CNTNAP2: variants seen among roughly 807,000 people sequenced by gnomAD.
CNTNAP2 encodes contactin associated protein 2, also known as contactin-associated protein-like 2.
CNTNAP2 carries 98 observed loss-of-function variants against 155.2 expected under a neutral mutation model. The ratio of observed to expected loss-of-function variants is 0.63; its 90% CI spans 0.54 to 0.75. The LOEUF is 0.75. Ranked by LOEUF, CNTNAP2 falls within the 30% of genes least tolerant of loss-of-function variation. The pLI is 0.00. For missense variants in CNTNAP2, 1,727 were observed against 1,688.1 expected, an observed-to-expected ratio of 1.02 and a Z score of -0.40; for synonymous variants, 651 against 631.2, an observed-to-expected ratio of 1.03 and a Z score of -0.47.
chr7:146,160,132 A>C (rs2140951), intron 1 of CNTNAP2, among the ~76,000 whole-genome samples: 144,589 of 152,266 alleles, frequency 0.95, 68,757 homozygotes, highest in Admixed American at 0.98. Flanking sequence ...TAAAGATGTT[A>C]TTTGAAACCA....
intron 3 of CNTNAP2, among the ~76,000 whole-genome samples, chr7:147,013,528 A>G (rs79283793): frequency 0.056 from 8,495 of 152,174 alleles, 321 homozygotes; most frequent in Middle Eastern, 0.13. Flanking sequence ...TCTTCCATCT[A>G]AAATTATTTT....
chr7:147,395,644 G>T lies in CNTNAP2; in HGVS notation c.1534G>T (p.Val512Phe), dbSNP rs1158389990. The T allele has an allele frequency of 6.2e-7, 1 of 1,612,346 alleles. No individual in the cohort carries two copies. The highest frequency in any genetic ancestry group is 8.5e-7 in the Non-Finnish European group (1 of 1,178,694). ...LNQMNNSSHS[V>F]LQPSFQGCMQ... The stretch of plus-strand genomic sequence containing the variant: ...CCAGATGAATAACTCAAGTCACTCT[G>T]TCCTTCAGCCTTCATTCCAAGGATG... Residue 512 changes from valine to phenylalanine, a missense_variant, in exon 10 of 24, where the codon GTC becomes TTC. Coordinates refer to ENST00000361727, the MANE Select transcript of CNTNAP2 (RefSeq NM_014141.6).
At chr7:148,028,990 C>T (rs560811818) in intron 15 of CNTNAP2, among the ~76,000 whole-genome samples, 17 of 152,142 alleles carry the variant, frequency 1.1e-4, no homozygotes, top group Non-Finnish European at 1.2e-4. Flanking sequence ...AAATAAAATC[C>T]CAATCATATT....
At chr7:148,222,235 G>C (rs183104799) in intron 19 of CNTNAP2, among the ~76,000 whole-genome samples, 2 of 152,324 alleles carry the variant, frequency 1.3e-5, no homozygotes, top group African/African-American at 2.4e-5. Context: ...TCTGTTGCTT[G>C]TAACAGAATA....
At chr7:148,147,849 C>A in intron 17 of CNTNAP2, 140 bp downstream of exon 17, 1 of 826,410 alleles carries the variant, frequency 1.2e-6, no homozygotes, top group Non-Finnish European at 1.9e-6. Flanking sequence ...CTCTTGTAGT[C>A]TCCTTCAAGA....
At chr7:148,358,748 A>T (rs978528485) in intron 21 of CNTNAP2, among the ~76,000 whole-genome samples, 1 of 152,200 alleles carries the variant, frequency 6.6e-6, no homozygotes, top group Non-Finnish European at 1.5e-5. Flanking sequence ...AAAGTATTTA[A>T]CTTCTCCAGG....
chr7:148,176,211 C>CTTTTTTTTTTTTTT (rs1188113801), intron 18 of CNTNAP2, among the ~76,000 whole-genome samples: 1 of 92,792 alleles, frequency 1.1e-5, no homozygotes, highest in African/African-American at 4.3e-5. Context: ...CTTTCTTTCT[C>CTTTTTTTTTTTTTT]TTTTTTTTTT....
At chr7:146,559,425 G>T (rs1584981287) in intron 1 of CNTNAP2, among the ~76,000 whole-genome samples, 1 of 151,974 alleles carries the variant, frequency 6.6e-6, no homozygotes, top group South Asian at 2.1e-4. Context: ...AAAATTAACT[G>T]GGTGTGTTGG....
chr7:148,018,990 T>C (rs191328324), intron 15 of CNTNAP2, among the ~76,000 whole-genome samples: 61 of 152,348 alleles, frequency 4.0e-4, no homozygotes, highest in African/African-American at 1.3e-3. Context: ...AATCACTATG[T>C]AAAACTGTCA....
At chr7:146,294,743 T>C (rs1800485484) in intron 1 of CNTNAP2, among the ~76,000 whole-genome samples, 1 of 152,172 alleles carries the variant, frequency 6.6e-6, no homozygotes, top group South Asian at 2.1e-4. Context: ...AAGATTGAAG[T>C]AGTAGTCATT....
intron 13 of CNTNAP2, among the ~76,000 whole-genome samples, chr7:147,849,181 A>G (rs910254387): frequency 1.3e-5 from 2 of 152,222 alleles, no homozygotes; most frequent in African/African-American, 4.8e-5. Flanking sequence ...CATTAGCATA[A>G]TATAGTAATA....
chr7:148,413,401 A>AAAAAAAAAAAAAAAATAT (rs1442990213), intron 23 of CNTNAP2, among the ~76,000 whole-genome samples: 3 of 45,360 alleles, frequency 6.6e-5, no homozygotes, highest in Non-Finnish European at 1.3e-4. Flanking sequence ...TCAAAAAAAA[A>AAAAAAAAAAAAAAAATAT]ATATATATAT....
chr7:147,730,274 T>C (rs1165967819), intron 13 of CNTNAP2, among the ~76,000 whole-genome samples: 2 of 152,118 alleles, frequency 1.3e-5, no homozygotes, highest in South Asian at 4.1e-4. Context: ...TGGGTTTTGC[T>C]TTATTGAGCT....
intron 8 of CNTNAP2, among the ~76,000 whole-genome samples, chr7:147,199,950 A>G (rs1225275654): frequency 6.6e-6 from 1 of 152,102 alleles, no homozygotes; most frequent in East Asian, 1.9e-4. Flanking sequence ...AACACATGCT[A>G]ATAGGGCTGC....
intron 2 of CNTNAP2, among the ~76,000 whole-genome samples, chr7:146,774,658 G>A (rs539440838): frequency 5.9e-5 from 9 of 152,034 alleles, no homozygotes; most frequent in Non-Finnish European, 7.4e-5. Flanking sequence ...TGGCATAAAC[G>A]TTTAGAGTTA....
chr7:146,202,755 A>G (rs1798885405), intron 1 of CNTNAP2, among the ~76,000 whole-genome samples: 1 of 152,194 alleles, frequency 6.6e-6, no homozygotes, highest in African/African-American at 2.4e-5. Flanking sequence ...TTCTATTATC[A>G]TATAAAACTG....
At chr7:147,626,609 T>A (rs566951565) in intron 12 of CNTNAP2, among the ~76,000 whole-genome samples, 23 of 152,190 alleles carry the variant, frequency 1.5e-4, no homozygotes, top group African/African-American at 4.8e-4. Context: ...CCTGAGAAAC[T>A]GAAATACTTA....
At chr7:146,573,913 T>A (rs1394861059) in intron 1 of CNTNAP2, among the ~76,000 whole-genome samples, 1 of 152,184 alleles carries the variant, frequency 6.6e-6, no homozygotes, top group Non-Finnish European at 1.5e-5. Context: ...AAAATGCATG[T>A]TATATTATCT....
chr7:147,212,210 A>G (rs1366112407), intron 8 of CNTNAP2, among the ~76,000 whole-genome samples: 1 of 152,146 alleles, frequency 6.6e-6, no homozygotes, highest in Non-Finnish European at 1.5e-5. Flanking sequence ...AGAACTTAGA[A>G]TTGTTATCCA....
Sources: allele counts gnomAD v4.1 joint callset (sites outside exome capture counted in the v4.1 genomes callset), GRCh38; gene constraint gnomAD v4.1.1; transcripts MANE v1.5; gene names NCBI Gene and HGNC (gene_info 2026-07-23, HGNC 2026-07-21).